BMP2K: variants seen among roughly 807,000 people sequenced by gnomAD.
BMP2K encodes BMP2 inducible kinase.
In BMP2K, 74 loss-of-function variants were observed where a neutral mutation model predicts 116.0. That is an observed-to-expected ratio of 0.64 (90% CI 0.53 to 0.77). BMP2K has a LOEUF of 0.77. BMP2K is among the 30% of genes least tolerant of loss of function. The probability of loss-of-function intolerance (pLI) is 0.00; values close to 1 mark genes in which losing one functional copy is unlikely to be tolerated. For missense variants in BMP2K, 1,365 were observed against 1,403.6 expected (o/e 0.97, Z 0.44); for synonymous variants, 486 against 502.5 (o/e 0.97, Z 0.44).
At chr4:78,902,090 T>C (rs1366098801) in intron 15 of BMP2K, among the ~76,000 whole-genome samples, 1 of 152,144 alleles carries the variant, frequency 6.6e-6, no homozygotes, top group Non-Finnish European at 1.5e-5. Context: ...TAGATTCTAG[T>C]GTATGATTCT....
At chr4:78,781,986 TCTTA>T (rs1727525437) in intron 1 of BMP2K, among the ~76,000 whole-genome samples, 1 of 152,194 alleles carries the variant, frequency 6.6e-6, no homozygotes, top group African/African-American at 2.4e-5. Context: ...TGCAAAGTCA[TCTTA>T]CTTGATCACA....
intron 1 of BMP2K, among the ~76,000 whole-genome samples, chr4:78,788,646 G>A (rs1350428969): frequency 6.6e-6 from 1 of 151,020 alleles, no homozygotes; most frequent in East Asian, 1.9e-4. Context: ...GGGTTTTATA[G>A]TTTTTCACCT....
chr4:78,913,598 T>G lies in BMP2K; in HGVS notation c.*1565T>G, dbSNP rs1734795800. On this transcript the variant is annotated 3_prime_UTR_variant, in exon 16 of 16. Coordinates refer to ENST00000502613, the MANE Select transcript of BMP2K (RefSeq NM_198892.2). ...TATTTTAAATTAACTCTCTTCGATC[T>G]CAAAGTATATTTTACGAGTAATTTT... The G allele has an allele frequency of 6.6e-6, 1 of 152,188 alleles. No individual in the cohort carries two copies. The highest frequency in any genetic ancestry group is 2.4e-5 in the African/African-American group (1 of 41,462). The allele number at this position is 152,188 out of a possible 1,614,324, so 9.4% of individuals were successfully genotyped here. A position where few individuals can be genotyped will look rare whatever the true frequency, so the allele number is the denominator to read the frequency against.
intron 1 of BMP2K, among the ~76,000 whole-genome samples, chr4:78,791,673 A>T (rs933518983): frequency 3.3e-5 from 5 of 152,158 alleles, no homozygotes; most frequent in African/African-American, 1.2e-4. Flanking sequence ...TGACTATTCT[A>T]GGTATCTTAT....
intron 3 of BMP2K, among the ~76,000 whole-genome samples, chr4:78,841,070 A>G (rs1404829467): frequency 6.6e-6 from 1 of 152,220 alleles, no homozygotes; most frequent in African/African-American, 2.4e-5. Context: ...TAATCTGAAC[A>G]AGTTACACCT....
intron 1 of BMP2K, among the ~76,000 whole-genome samples, chr4:78,789,675 T>C (rs185990193): frequency 1.3e-5 from 2 of 152,352 alleles, no homozygotes; most frequent in Admixed American, 1.3e-4. Context: ...GATGTCACGA[T>C]TAATTTTAAA....
chr4:78,860,162 T>C (rs1731705156), intron 8 of BMP2K: 1 of 456,804 alleles, frequency 2.2e-6, no homozygotes, highest in Non-Finnish European at 4.2e-6. Flanking sequence ...ATATAGACAG[T>C]GGAGTAATAG....
In BMP2K at chr4:78,793,427, TAAAA is replaced by T. The variant is rs577762524; in HGVS notation, c.178+16712_178+16715del. On this transcript the variant is annotated intron_variant, in intron 1 of 15. Coordinates refer to ENST00000502613, the MANE Select transcript of BMP2K (RefSeq NM_198892.2). ...TCCGTCTCAAAAAAAAAAAAAAAATTAAAAAAAAAGTTATGCACCGAGTTTATAA... is the reference window on the plus strand; with the variant it reads ...TCCGTCTCAAAAAAAAAAAAAAAATTAAAAAGTTATGCACCGAGTTTATAA... Among the ~76,000 whole-genome samples, 553 of 146,490 alleles carry T rather than the reference TAAAA, an allele frequency of 3.8e-3. 2 individuals are homozygous for T. Among genetic ancestry groups the T allele is most frequent in the Non-Finnish European group, 6.4e-3 (430 of 66,848 alleles).
At chr4:78,852,139 G>A (rs1477687699) in intron 7 of BMP2K, among the ~76,000 whole-genome samples, 1 of 151,928 alleles carries the variant, frequency 6.6e-6, no homozygotes. Context: ...CTTGTGATTA[G>A]GTTTTTCTTT....
chr4:78,839,046 G>A (rs1006182906), intron 3 of BMP2K, among the ~76,000 whole-genome samples: 1 of 151,906 alleles, frequency 6.6e-6, no homozygotes, highest in African/African-American at 2.4e-5. Context: ...TGTTTCCATG[G>A]ATTATGTATC....
In BMP2K at chr4:78,911,454, A is replaced by G; in HGVS notation, c.2907A>G (p.Lys969=). The change falls in exon 16 of 16, where the codon AAA becomes AAG. Residue 969 remains lysine, a synonymous_variant. Transcript: ENST00000502613. ...AAATAACGGGGAGCCAGCAGCAAAA[A>G]GTCAAACAGCGCAGCTTACAGAAAC... is the stretch of plus-strand genomic sequence containing the variant. ...FDEITGSQQQ[K]VKQRSLQKLS... is the part of the protein sequence containing the mutation. 4 of 1,614,044 alleles carry G rather than the reference A, an allele frequency of 2.5e-6. No homozygotes were observed. The highest frequency in any genetic ancestry group is 3.4e-6 in the Non-Finnish European group (4 of 1,179,890).
At chr4:78,873,754 C>T (rs959983849) in intron 13 of BMP2K, among the ~76,000 whole-genome samples, 5 of 149,508 alleles carry the variant, frequency 3.3e-5, no homozygotes, top group Non-Finnish European at 4.4e-5. Context: ...GATGGTGGGG[C>T]GGGTATGGTA....
At chr4:78,858,683 C>T (rs1042283692) in intron 7 of BMP2K, among the ~76,000 whole-genome samples, 2 of 151,778 alleles carry the variant, frequency 1.3e-5, no homozygotes, top group Admixed American at 6.6e-5. Flanking sequence ...ATACTTAGAT[C>T]TCTCTATACA....
At chr4:78,810,439 T>TA (rs1236568643) in intron 1 of BMP2K, among the ~76,000 whole-genome samples, 2 of 152,210 alleles carry the variant, frequency 1.3e-5, no homozygotes, top group African/African-American at 4.8e-5. Flanking sequence ...GACCTCTTTT[T>TA]ATCTGTAGCT....
intron 1 of BMP2K, among the ~76,000 whole-genome samples, chr4:78,796,487 G>T (rs1449999690): frequency 3.3e-5 from 5 of 152,012 alleles, no homozygotes; most frequent in African/African-American, 1.2e-4. Flanking sequence ...GTATACATAT[G>T]TAACTAACCT....
At chr4:78,846,485 G>A (rs768358877) in intron 5 of BMP2K, among the ~76,000 whole-genome samples, 22 of 151,710 alleles carry the variant, frequency 1.5e-4, no homozygotes, top group Non-Finnish European at 2.4e-4. Context: ...CTGTGATATA[G>A]GATGTCCATT....
intron 12 of BMP2K, 143 bp downstream of exon 12, chr4:78,872,091 TCTCAAGCAGCTTTAAATTGCACTGA>T: frequency 1.5e-6 from 1 of 652,722 alleles, no homozygotes; most frequent in Non-Finnish European, 2.6e-6. Flanking sequence ...AGTCATATAT[TCTCAAGCAGCTTTAAATTGCACTGA>T]ACTATGGCAC....
chr4:78,782,124 G>A (rs898896876), intron 1 of BMP2K, among the ~76,000 whole-genome samples: 1 of 152,204 alleles, frequency 6.6e-6, no homozygotes, highest in African/African-American at 2.4e-5. Flanking sequence ...CTGTTGGTCC[G>A]TGACTGAATC....
At chr4:78,842,801 A>G (rs1173764032) in intron 4 of BMP2K, among the ~76,000 whole-genome samples, 4 of 151,980 alleles carry the variant, frequency 2.6e-5, no homozygotes, top group Admixed American at 2.6e-4. Flanking sequence ...GTTTCATTTG[A>G]ACATAAATGT....
Sources: allele counts gnomAD v4.1 joint callset (sites outside exome capture counted in the v4.1 genomes callset), GRCh38; gene constraint gnomAD v4.1.1; transcripts MANE v1.5; gene names NCBI Gene and HGNC (gene_info 2026-07-23, HGNC 2026-07-21).